LRRC8A: variants seen among roughly 807,000 people sequenced by gnomAD.
LRRC8A encodes volume-regulated anion channel subunit LRRC8A.
Under a neutral mutation model 52.5 loss-of-function variants are expected in LRRC8A, and 24 were observed. That is an observed-to-expected ratio of 0.46 (90% CI 0.33 to 0.64). The LOEUF is 0.64. LRRC8A is among the 30% of genes least tolerant of loss of function. The pLI, the probability that LRRC8A is intolerant of heterozygous loss-of-function variation, is 0.02. For missense variants in LRRC8A, 677 were observed against 1,094.7 expected, an observed-to-expected ratio of 0.62 and a Z score of 5.38; for synonymous variants, 492 against 494.2, an observed-to-expected ratio of 1.00 and a Z score of 0.06.
Position 128,908,932 on chromosome 9 carries a change from A to G in LRRC8A, c.1768A>G (p.Met590Val). ...KLIVLNSLKK[M>V]ANLTELELIR... is the part of the protein sequence containing the mutation. ...CATCGTCCTCAACAGCCTCAAGAAG[A>G]TGGCGAACCTGACTGAGCTGGAGCT... The change falls in exon 3 of 4, where the codon ATG becomes GTG. Residue 590 changes from methionine (M) to valine (V), a missense_variant. Physicochemically the swap from Met to Val is conservative, Grantham distance 21. Coordinates refer to ENST00000372600, the MANE Select transcript of LRRC8A (RefSeq NM_019594.4). The G allele has an allele frequency of 6.2e-7, 1 of 1,613,992 alleles. No individual in the cohort carries two copies. The highest frequency in any genetic ancestry group is 8.5e-7 in the Non-Finnish European group (1 of 1,180,000).
rs547788305 is a variant in LRRC8A at position 128,888,785 on chromosome 9, TC to T, written c.-9+2669del. 3.3e-5 allele frequency among the ~76,000 whole-genome samples: 5 copies of T among 151,958 alleles called. No individual in the cohort carries two copies. The South Asian group carries it at 1.0e-3, about 32-fold the overall frequency. ...AGGCTCACTGTCCTGTCGCTTTCCC[TC>T]CCCCACGTCACTTCCTCCATTCTTC... On this transcript the variant is annotated intron_variant, in intron 2 of 3. Transcript: ENST00000372600.
At position 128,908,907 on chromosome 9, in the gene LRRC8A, C is replaced by T. The variant is rs749829193; in HGVS notation, c.1743C>T (p.Leu581=). ...CCATCAACAATGAGGGCACCAAGCT[C>T]ATCGTCCTCAACAGCCTCAAGAAGA... The part of the protein sequence containing the change: ...KLSINNEGTK[L]IVLNSLKKMA... The change falls in exon 3 of 4, where the codon CTC becomes CTT. Residue 581 remains leucine, a synonymous_variant. Coordinates refer to ENST00000372600, the MANE Select transcript of LRRC8A (RefSeq NM_019594.4). The T allele has an allele frequency of 2.5e-6, 4 of 1,613,914 alleles. No homozygotes were observed. The highest frequency in any genetic ancestry group is 2.2e-5 in the South Asian group (2 of 91,088).
rs1256259890 is a variant in LRRC8A, at chr9:128,896,107, G to A, written c.-9+9986G>A. On this transcript the variant is annotated intron_variant, in intron 2 of 3. Coordinates refer to ENST00000372600, the MANE Select transcript of LRRC8A (RefSeq NM_019594.4). ...GATACAATCATTATCTTGGTTTGGAGACTTTCCATGCATGCTTTTGTATCT... is the reference window on the plus strand; with the variant it reads ...GATACAATCATTATCTTGGTTTGGAAACTTTCCATGCATGCTTTTGTATCT... Among the ~76,000 whole-genome samples the A allele has an allele frequency of 3.3e-5, 5 of 152,316 alleles. No individual in the cohort carries two copies. In the East Asian group the frequency reaches 7.7e-4, roughly 23 times the overall value.
chr9:128,905,192 A>G (rs1334983833), intron 2 of LRRC8A, among the ~76,000 whole-genome samples: 1 of 152,140 alleles, frequency 6.6e-6, no homozygotes, highest in Non-Finnish European at 1.5e-5. Context: ...AAATTATAAA[A>G]TTATAAAATA....
rs547576439 is a variant in LRRC8A, at chr9:128,899,468, G to A, written c.-8-7689G>A. ...GCCCACTGTAAATCCAGGTTTGAAC[G>A]CCACCTCTGTCACTTATAGGCGGTA... is the stretch of plus-strand genomic sequence containing the variant. On this transcript the variant is annotated intron_variant, in intron 2 of 3. Transcript: ENST00000372600. This position sits in a 1 kb window ranked among gnomAD's most constrained non-coding sequence, Gnocchi z 4.0. Among the ~76,000 whole-genome samples, 6 of 152,034 alleles carry A rather than the reference G, an allele frequency of 3.9e-5. No homozygotes were observed. Among genetic ancestry groups the A allele is most frequent in the East Asian group, 1.9e-4 (1 of 5,168 alleles).
Position 128,908,054 on chromosome 9 carries a change from T to G in LRRC8A, c.890T>G (p.Val297Gly). 6.2e-7 allele frequency: 1 copy of G among 1,614,094 alleles called. No individual in the cohort carries two copies. Among genetic ancestry groups the G allele is most frequent in the South Asian group, 1.1e-5 (1 of 91,078 alleles). ...HNIKFDVDCT[V>G]DIESLTGYRT... ...ATCAAGTTCGACGTGGACTGCACCG[T>G]GGACATTGAGAGCCTGACGGGCTAC... is the stretch of plus-strand genomic sequence containing the variant. The change falls in exon 3 of 4, where the codon GTG becomes GGG. Residue 297 changes from valine to glycine, a missense_variant. Physicochemically the swap from Val to Gly is moderately radical, Grantham distance 109. Around this residue, in one of 4 missense-constraint regions of LRRC8A, gnomAD observed 422 missense variants for 741.5 expected, o/e 0.57. Coordinates refer to ENST00000372600, the MANE Select transcript of LRRC8A (RefSeq NM_019594.4).
chr9:128,908,070 G>A lies in LRRC8A; in HGVS notation c.906G>A (p.Leu302=). The change falls in exon 3 of 4, where the codon CTG becomes CTA. Residue 302 remains leucine, a synonymous_variant. Transcript: ENST00000372600. ...DVDCTVDIES[L]TGYRTYRCAH... The stretch of plus-strand genomic sequence containing the variant: ...ACTGCACCGTGGACATTGAGAGCCT[G>A]ACGGGCTACCGCACCTACCGCTGTG... The A allele has an allele frequency of 1.9e-6, 3 of 1,614,068 alleles. No individual in the cohort carries two copies. The highest frequency in any genetic ancestry group is 2.2e-5 in the South Asian group (2 of 91,078).
chr9:128,904,413 G>T (rs1484301494), intron 2 of LRRC8A, among the ~76,000 whole-genome samples: 1 of 152,044 alleles, frequency 6.6e-6, no homozygotes, highest in Non-Finnish European at 1.5e-5. Context: ...AGCTGCTTGG[G>T]AGGCAGAGGC....
At chr9:128,906,101 C>T (rs1032918816) in intron 2 of LRRC8A, among the ~76,000 whole-genome samples, 3 of 152,112 alleles carry the variant, frequency 2.0e-5, no homozygotes, top group Non-Finnish European at 2.9e-5. Context: ...CCGAGTGTTC[C>T]CAGAATCTTG....
chr9:128,908,809 C>T lies in LRRC8A; in HGVS notation c.1645C>T (p.Leu549=), dbSNP rs1374749573. The T allele has an allele frequency of 1.2e-6, 2 of 1,613,462 alleles. No homozygotes were observed. Among genetic ancestry groups the T allele is most frequent in the Non-Finnish European group, 1.7e-6 (2 of 1,180,046 alleles). ...GCGGGAGCTCAAACGCCTCAAGGTGCTGCGGCTCAAGAGCAACCTAAGCAA... is the reference window on the plus strand; with the variant it reads ...GCGGGAGCTCAAACGCCTCAAGGTGTTGCGGCTCAAGAGCAACCTAAGCAA... ...GLRELKRLKV[L]RLKSNLSKLP... Residue 549 remains leucine, a synonymous_variant, in exon 3 of 4, where the codon CTG becomes TTG. Transcript: ENST00000372600.
chr9:128,884,681 G>A (rs1839319468), intron 1 of LRRC8A, among the ~76,000 whole-genome samples: 1 of 152,148 alleles, frequency 6.6e-6, no homozygotes, highest in African/African-American at 2.4e-5. Context: ...GGGAGTCCAG[G>A]GGCCCAAGTT....
intron 2 of LRRC8A, among the ~76,000 whole-genome samples, chr9:128,900,077 T>G (rs1839968480): frequency 6.6e-6 from 1 of 152,158 alleles, no homozygotes; most frequent in Non-Finnish European, 1.5e-5. Flanking sequence ...GGCAGGTCCT[T>G]GCACTGGGCC....
Position 128,907,039 on chromosome 9 carries a change from A to T in LRRC8A, c.-8-118A>T. 1.1e-6 allele frequency: 1 copy of T among 873,866 alleles called. No individual in the cohort carries two copies. The highest frequency in any genetic ancestry group is 1.8e-6 in the Non-Finnish European group (1 of 561,820). The allele number at this position is 873,866 out of a possible 1,614,324, so 54.1% of individuals were successfully genotyped here. ...AGTAGGCAGGCTTTGGCTCCCAGCT[A>T]GATTTGAGGTGGAATTTTGGACAAT... is the stretch of plus-strand genomic sequence containing the variant. On this transcript the variant is annotated intron_variant, in intron 2 of 3. Coordinates refer to ENST00000372600, the MANE Select transcript of LRRC8A (RefSeq NM_019594.4). This position sits in a 1 kb window ranked among gnomAD's most constrained non-coding sequence, Gnocchi z 9.3.
chr9:128,885,420 GCT>G (rs1171016824), intron 1 of LRRC8A: 1 of 152,304 alleles, frequency 6.6e-6, no homozygotes, highest in African/African-American at 2.4e-5. Flanking sequence ...TGCCTGGAAT[GCT>G]CTTTTTCCAG....
chr9:128,891,945 T>TA, intron 2 of LRRC8A, among the ~76,000 whole-genome samples: 1 of 152,186 alleles, frequency 6.6e-6, no homozygotes, highest in African/African-American at 2.4e-5. Context: ...ATCACACCCA[T>TA]AAAAGGACTG....
intron 2 of LRRC8A, among the ~76,000 whole-genome samples, chr9:128,903,435 C>T (rs543755936): frequency 1.2e-4 from 16 of 134,158 alleles, no homozygotes; most frequent in African/African-American, 1.7e-4. Context: ...TTTTTTGAGT[C>T]GGCACCTCGC....
At chr9:128,898,929 G>A (rs1235074428) in intron 2 of LRRC8A, among the ~76,000 whole-genome samples, 1 of 152,254 alleles carries the variant, frequency 6.6e-6, no homozygotes, top group Non-Finnish European at 1.5e-5. Context: ...CCAAGGTGCT[G>A]AGAGGGGAAG....
intron 1 of LRRC8A, among the ~76,000 whole-genome samples, chr9:128,885,636 G>T (rs553687818): frequency 6.6e-6 from 1 of 152,264 alleles, no homozygotes; most frequent in Non-Finnish European, 1.5e-5. Context: ...TGCCAGGCGC[G>T]GTGGCTCATG....
chr9:128,912,531 T>A, intron 3 of LRRC8A, among the ~76,000 whole-genome samples: 1 of 126,876 alleles, frequency 7.9e-6, no homozygotes, highest in African/African-American at 2.9e-5. Flanking sequence ...GGCAGGGGGG[T>A]CCTGTCCTAC....
Sources: allele counts gnomAD v4.1 joint callset (sites outside exome capture counted in the v4.1 genomes callset), GRCh38; gene constraint gnomAD v4.1.1; regional missense constraint gnomAD v4.1.1; non-coding constraint Gnocchi (gnomAD v3.1); transcripts MANE v1.5; gene names NCBI Gene and HGNC (gene_info 2026-07-23, HGNC 2026-07-21).